The following RANBP17 variants were observed in gnomAD, a reference collection of about 807,000 sequenced individuals.
RANBP17 encodes the protein ran-binding protein 17.
Under a neutral mutation model 141.2 loss-of-function variants are expected in RANBP17, and 158 were observed. The observed-to-expected ratio is 1.12, with a 90% CI of 0.98 to 1.28. The LOEUF (loss-of-function observed/expected upper bound fraction) is 1.28, where lower values mean the gene tolerates loss of function less well. Ranked by LOEUF, RANBP17 falls within the 50% of genes most tolerant of loss-of-function variation. The pLI is 0.00. For synonymous variants in RANBP17, 430 were observed against 450.0 expected, an observed-to-expected ratio of 0.96 and a Z score of 0.56; for missense variants, 1,438 against 1,290.7, an observed-to-expected ratio of 1.11 and a Z score of -1.75.
At chr5:171,055,171 G>T (rs1362535479) in intron 14 of RANBP17, among the ~76,000 whole-genome samples, 1 of 152,180 alleles carries the variant, frequency 6.6e-6, no homozygotes, top group African/African-American at 2.4e-5. Flanking sequence ...CTGATATGGG[G>T]TTGCTAGCTG....
chr5:170,912,264 T>C (rs1771590657), intron 7 of RANBP17, among the ~76,000 whole-genome samples: 1 of 151,936 alleles, frequency 6.6e-6, no homozygotes, highest in South Asian at 2.1e-4. Flanking sequence ...CATGAGTACA[T>C]GTAAAACTGG....
intron 18 of RANBP17, among the ~76,000 whole-genome samples, chr5:171,186,172 A>C (rs1409724010): frequency 6.6e-6 from 1 of 152,186 alleles, no homozygotes; most frequent in Non-Finnish European, 1.5e-5. Flanking sequence ...TGAAGCTTTG[A>C]AGCCAGACAT....
chr5:171,115,279 G>T (rs1281745929), intron 14 of RANBP17, among the ~76,000 whole-genome samples: 1 of 152,084 alleles, frequency 6.6e-6, no homozygotes, highest in Non-Finnish European at 1.5e-5. Flanking sequence ...TATGAGTATA[G>T]TATATTAGCA....
At position 171,108,124 on chromosome 5, in the gene RANBP17, CA is replaced by C. The variant is rs567119854; in HGVS notation, c.1711-62003del. ...ACTCATCTGCCTGTTGTGTGCTTGACAAATAGAAATGTCATAACAAATAATT... is the reference window on the plus strand; with the variant it reads ...ACTCATCTGCCTGTTGTGTGCTTGACAATAGAAATGTCATAACAAATAATT... On this transcript the variant is annotated intron_variant, in intron 14 of 27. Coordinates refer to ENST00000523189, the MANE Select transcript of RANBP17 (RefSeq NM_022897.5). 3.9e-4 allele frequency among the ~76,000 whole-genome samples: 59 copies of C among 151,440 alleles called. 2 individuals carry two copies. The South Asian group carries it at 0.012, about 31-fold the overall frequency.
chr5:171,124,636 A>G (rs1581686583), intron 14 of RANBP17, among the ~76,000 whole-genome samples: 1 of 152,228 alleles, frequency 6.6e-6, no homozygotes, highest in Non-Finnish European at 1.5e-5. Context: ...TTCAGTTAAC[A>G]TATAAGGGAA....
intron 19 of RANBP17, among the ~76,000 whole-genome samples, chr5:171,200,874 A>T (rs1762256789): frequency 6.6e-6 from 1 of 152,236 alleles, no homozygotes; most frequent in Non-Finnish European, 1.5e-5. Context: ...TTTTAAAACC[A>T]AAAGAAGGAT....
intron 14 of RANBP17, among the ~76,000 whole-genome samples, chr5:171,164,776 A>T (rs1370090298): frequency 6.6e-6 from 1 of 152,236 alleles, no homozygotes; most frequent in African/African-American, 2.4e-5. Flanking sequence ...AAGACAATAC[A>T]CATTGAGAAG....
At chr5:171,138,810 A>C (rs1262904851) in intron 14 of RANBP17, among the ~76,000 whole-genome samples, 2 of 152,184 alleles carry the variant, frequency 1.3e-5, no homozygotes. Context: ...AATGGTTCAC[A>C]CTAGTAATCC....
At chr5:170,869,334 T>TC (rs1425477836) in intron 1 of RANBP17, among the ~76,000 whole-genome samples, 2 of 151,346 alleles carry the variant, frequency 1.3e-5, no homozygotes, top group Non-Finnish European at 3.0e-5. Context: ...TTTTTTTTTT[T>TC]TTTTTTTGAG....
intron 14 of RANBP17, among the ~76,000 whole-genome samples, chr5:171,090,227 G>A (rs1195585263): frequency 6.6e-6 from 1 of 152,216 alleles, no homozygotes; most frequent in African/African-American, 2.4e-5. Flanking sequence ...AATCCAGGCT[G>A]AGGTGGTCTC....
intron 14 of RANBP17, among the ~76,000 whole-genome samples, chr5:171,026,151 T>C (rs958731194): frequency 2.6e-5 from 4 of 152,250 alleles, no homozygotes; most frequent in Admixed American, 2.6e-4. Context: ...TTTAAATTGC[T>C]TGGGAGAAAT....
At chr5:170,953,032 A>G (rs1474780194) in intron 12 of RANBP17, among the ~76,000 whole-genome samples, 1 of 152,090 alleles carries the variant, frequency 6.6e-6, no homozygotes, top group Non-Finnish European at 1.5e-5. Flanking sequence ...ACCATCAAAC[A>G]ATGTGAAATC....
chr5:171,060,453 G>A (rs1783738014), intron 14 of RANBP17, among the ~76,000 whole-genome samples: 1 of 151,844 alleles, frequency 6.6e-6, no homozygotes, highest in African/African-American at 2.4e-5. Context: ...CTGTTTATAT[G>A]CTGGATTACA....
At chr5:171,024,268 A>G (rs1781085204) in intron 14 of RANBP17, among the ~76,000 whole-genome samples, 1 of 152,168 alleles carries the variant, frequency 6.6e-6, no homozygotes, top group Admixed American at 6.5e-5. Flanking sequence ...TAGGAAAAAC[A>G]TGAAATTGCT....
At chr5:171,114,626 G>A (rs1755484497) in intron 14 of RANBP17, among the ~76,000 whole-genome samples, 2 of 150,662 alleles carry the variant, frequency 1.3e-5, no homozygotes, top group South Asian at 4.3e-4. Context: ...CTTAGATAAT[G>A]AAAAGGCTGA....
intron 14 of RANBP17, among the ~76,000 whole-genome samples, chr5:171,009,035 A>G (rs376438334): frequency 3.4e-3 from 522 of 152,344 alleles, no homozygotes; most frequent in African/African-American, 0.012. Flanking sequence ...GTTCATTTCA[A>G]TGCCATGGCT....
At chr5:171,168,004 A>G (rs1310614676) in intron 14 of RANBP17, among the ~76,000 whole-genome samples, 2 of 152,168 alleles carry the variant, frequency 1.3e-5, no homozygotes, top group Non-Finnish European at 2.9e-5. Context: ...ATATAGTCCT[A>G]GTAGATCCAG....
chr5:171,203,750 C>A (rs537743924), intron 19 of RANBP17, among the ~76,000 whole-genome samples: 13 of 152,112 alleles, frequency 8.5e-5, no homozygotes, highest in African/African-American at 3.1e-4. Context: ...GTACTAGACA[C>A]AAAGAAAGTA....
At chr5:171,000,794 G>A (rs764340968) in intron 14 of RANBP17, among the ~76,000 whole-genome samples, 4 of 152,112 alleles carry the variant, frequency 2.6e-5, no homozygotes, top group African/African-American at 4.8e-5. Context: ...TCTCAAGGGT[G>A]GGGAGAATTA....
Sources: gnomAD v4.1 joint callset for allele counts (sites outside exome capture counted in the v4.1 genomes callset) on GRCh38, gnomAD v4.1.1 for gene constraint, MANE v1.5 for transcripts, NCBI Gene and HGNC (gene_info 2026-07-23, HGNC 2026-07-21) for gene names.